ZNF284: variants seen among roughly 807,000 people sequenced by gnomAD.
ZNF284 encodes the protein zinc finger protein 284.
Under a neutral mutation model 12.9 loss-of-function variants are expected in ZNF284, and 12 were observed. That is an observed-to-expected ratio of 0.93 (90% CI 0.60 to 1.51). The LOEUF is 1.51. Among genes scored for constraint, ZNF284 ranks in the 40% most tolerant of loss-of-function variants. The pLI, the probability that ZNF284 is intolerant of heterozygous loss-of-function variation, is 0.00. For synonymous variants in ZNF284, 225 were observed against 236.5 expected, an observed-to-expected ratio of 0.95 and a Z score of 0.45; for missense variants, 667 against 707.3, an observed-to-expected ratio of 0.94 and a Z score of 0.65.
intron 1 of ZNF284, among the ~76,000 whole-genome samples, chr19:44,074,607 G>T (rs1967000635): frequency 6.6e-6 from 1 of 152,088 alleles, no homozygotes; most frequent in Non-Finnish European, 1.5e-5. Context: ...ATAATTGTGG[G>T]GTGTCTTGGT....
intron 2 of ZNF284, among the ~76,000 whole-genome samples, chr19:44,077,666 G>T (rs1967054006): frequency 6.6e-6 from 1 of 150,748 alleles, no homozygotes; most frequent in Admixed American, 6.7e-5. Context: ...GCTGAATGAT[G>T]CAGTTCTCAG....
intron 2 of ZNF284, among the ~76,000 whole-genome samples, 199 bp from the exon 3 acceptor site, chr19:44,080,816 C>G (rs946721273): frequency 6.6e-6 from 1 of 152,162 alleles, no homozygotes; most frequent in Non-Finnish European, 1.5e-5. Flanking sequence ...ACTTTTTCAT[C>G]ATTGCACTTC....
At position 44,080,807 on chromosome 19, in the gene ZNF284, C is replaced by T. The variant is rs75533933; in HGVS notation, c.16-208C>T. ...AAGTGCACAAAGTAAACCTATGGGA[C>T]TTTTTCATCATTGCACTTCTGGTGG... On this transcript the variant is annotated intron_variant, in intron 2 of 4. Coordinates refer to ENST00000421176, the MANE Select transcript of ZNF284 (RefSeq NM_001037813.4). Among the ~76,000 whole-genome samples, 1,440 of 152,272 alleles carry T rather than the reference C, an allele frequency of 9.5e-3. 32 individuals carry two copies. Among genetic ancestry groups the T allele is most frequent in the African/African-American group, 0.034 (1,401 of 41,550 alleles).
intron 2 of ZNF284, 93 bp from the exon 3 acceptor site, chr19:44,080,919 GCAA>G: frequency 6.9e-7 from 1 of 1,440,432 alleles, no homozygotes; most frequent in East Asian, 2.5e-5. Context: ...AAGATCCACA[GCAA>G]CTTCTCACCC....
At chr19:44,083,416 A>T (rs970252219) in intron 4 of ZNF284, among the ~76,000 whole-genome samples, 1 of 145,702 alleles carries the variant, frequency 6.9e-6, no homozygotes, top group Admixed American at 6.9e-5. Context: ...CCTGGGTGAC[A>T]GAATGAGACT....
At chr19:44,077,085 G>A (rs954840823) in intron 2 of ZNF284, among the ~76,000 whole-genome samples, 1 of 152,188 alleles carries the variant, frequency 6.6e-6, no homozygotes, top group East Asian at 1.9e-4. Context: ...CTCCCAAAGT[G>A]CTGGGATTAC....
At chr19:44,073,379 C>T (rs995136689) in intron 1 of ZNF284, among the ~76,000 whole-genome samples, 3 of 152,140 alleles carry the variant, frequency 2.0e-5, no homozygotes, top group African/African-American at 7.2e-5. Context: ...GGGAGTTTAT[C>T]AACTATTTCA....
rs1967231241 is a variant in ZNF284, at chr19:44,085,982, A to G, written c.504A>G (p.Leu168=). 1 of 1,614,012 alleles carries G rather than the reference A, an allele frequency of 6.2e-7. No homozygotes were observed. The highest frequency in any genetic ancestry group is 1.7e-5 in the Admixed American group (1 of 59,992). The stretch of plus-strand genomic sequence containing the variant: ...CCATCCTTGATCTTCATCAACAATT[A>G]CACTCAGGAAAGATATCCCATACAT... The part of the protein sequence containing the change: ...DVSILDLHQQ[L]HSGKISHTCN... The change falls in exon 5 of 5, where the codon TTA becomes TTG. Residue 168 remains leucine, a synonymous_variant. Coordinates refer to ENST00000421176, the MANE Select transcript of ZNF284 (RefSeq NM_001037813.4).
In ZNF284 at chr19:44,086,659, A is replaced by G. The variant is rs536068042; in HGVS notation, c.1181A>G (p.Asn394Ser). 4 of 1,614,076 alleles carry G rather than the reference A, an allele frequency of 2.5e-6. No individual in the cohort carries two copies. The highest frequency in any genetic ancestry group is 3.3e-5 in the Admixed American group (2 of 60,016). The change falls in exon 5 of 5, where the codon AAT becomes AGT. Residue 394 changes from asparagine (N) to serine (S), a missense_variant. Transcript: ENST00000421176. ...SCLSRHQRVHNGETTFKCDGC... is the reference protein window; with the variant it reads ...SCLSRHQRVHSGETTFKCDGC... ...CTTTCAAGACATCAGCGGGTCCACA[A>G]TGGAGAAACAACATTCAAGTGCGAC... is the stretch of plus-strand genomic sequence containing the variant.
At position 44,087,158 on chromosome 19, in the gene ZNF284, C is replaced by T. The variant is rs1321410059; in HGVS notation, c.1680C>T (p.Asp560=). The change falls in exon 5 of 5, where the codon GAC becomes GAT. Residue 560 remains aspartate (D), a synonymous_variant. Transcript: ENST00000421176. ...CATGCCTTCAAGACCAACAAAGCGA[C>T]CACAGTGGAGAAAAAACATCCAAAT... ...HSSCLQDQQS[D]HSGEKTSKCE... 3 of 1,614,008 alleles carry T rather than the reference C, an allele frequency of 1.9e-6. No homozygotes were observed. Among genetic ancestry groups the T allele is most frequent in the South Asian group, 1.1e-5 (1 of 91,060 alleles).
chr19:44,087,592 CTTTTTTTTTT>C lies in ZNF284; in HGVS notation c.*349_*358del, dbSNP rs924151303. ...TAATTGCTATGCCATGCTGCTTCTG[CTTTTTTTTTT>C]TTTTTTTTTTTTTTTTGAGAACAGA... On this transcript the variant is annotated 3_prime_UTR_variant, in exon 5 of 5. Transcript: ENST00000421176. 6.4e-4 allele frequency: 64 copies of C among 100,264 alleles called. No individual in the cohort carries two copies. The highest frequency in any genetic ancestry group is 3.1e-3 in the Admixed American group (29 of 9,432). 6.2% of individuals were successfully genotyped at this position (100,264 alleles called of 1,614,324 possible). A position where few individuals can be genotyped will look rare whatever the true frequency, so the allele number is the denominator to read the frequency against.
chr19:44,081,178 C>T, intron 3 of ZNF284, 37 bp downstream of exon 3: 1 of 1,590,096 alleles, frequency 6.3e-7, no homozygotes, highest in South Asian at 1.1e-5. Context: ...AACATCAGGC[C>T]CCAGGAATGG....
At chr19:44,077,022 G>A (rs1469717866) in intron 2 of ZNF284, among the ~76,000 whole-genome samples, 1 of 152,106 alleles carries the variant, frequency 6.6e-6, no homozygotes, top group African/African-American at 2.4e-5. Flanking sequence ...GTTTCACCAT[G>A]TTGGCCAGGC....
intron 1 of ZNF284, among the ~76,000 whole-genome samples, chr19:44,074,758 C>T (rs1967002334): frequency 6.6e-6 from 1 of 152,114 alleles, no homozygotes; most frequent in South Asian, 2.1e-4. Context: ...CACTTGAGGC[C>T]AGGAGTTCAA....
At chr19:44,084,636 C>T (rs8104437) in intron 4 of ZNF284, among the ~76,000 whole-genome samples, 80,322 of 151,480 alleles carry the variant, frequency 0.53, 22,950 homozygotes, top group Non-Finnish European at 0.66. Flanking sequence ...GTGTCCTTCA[C>T]GGCCCATTCC....
intron 2 of ZNF284, among the ~76,000 whole-genome samples, chr19:44,080,717 T>G (rs781084344): frequency 1.3e-5 from 2 of 152,180 alleles, no homozygotes; most frequent in South Asian, 2.1e-4. Context: ...CATTGAAACC[T>G]ATATATGTGC....
chr19:44,083,474 T>TATATATAGAGAGAGAGAGAGAG (rs746837013), intron 4 of ZNF284, among the ~76,000 whole-genome samples: 2 of 64,924 alleles, frequency 3.1e-5, no homozygotes, highest in South Asian at 6.8e-4. Flanking sequence ...TATATATATA[T>TATATATAGAGAGAGAGAGAGAG]AGAGAGAGAG....
chr19:44,083,516 A>G (rs1967171425), intron 4 of ZNF284, among the ~76,000 whole-genome samples: 1 of 109,226 alleles, frequency 9.2e-6, no homozygotes, highest in African/African-American at 3.0e-5. Context: ...ATGGAATACC[A>G]TCCTATCTTT....
Position 44,089,267 on chromosome 19 carries a change from C to T in ZNF284, c.*2007C>T, listed in dbSNP as rs1386103176. 1 of 152,012 alleles carries T rather than the reference C, an allele frequency of 6.6e-6. No homozygotes were observed. The highest frequency in any genetic ancestry group is 1.5e-5 in the Non-Finnish European group (1 of 68,042). 9.4% of individuals were successfully genotyped at this position (152,012 alleles called of 1,614,324 possible). A position where few individuals can be genotyped will look rare whatever the true frequency, so the allele number is the denominator to read the frequency against. Reference sequence around the variant, plus strand: ...TCAATCCCCTGAGAAGCTGGGACTACAGGCATGGACCACCACCCCTGATTG... The same window carrying T: ...TCAATCCCCTGAGAAGCTGGGACTATAGGCATGGACCACCACCCCTGATTG... On this transcript the variant is annotated 3_prime_UTR_variant, in exon 5 of 5. Transcript: ENST00000421176.
Sources: allele counts gnomAD v4.1 joint callset (sites outside exome capture counted in the v4.1 genomes callset), GRCh38; gene constraint gnomAD v4.1.1; transcripts MANE v1.5; gene names NCBI Gene and HGNC (gene_info 2026-07-23, HGNC 2026-07-21).